The following TOP1 variants were observed in gnomAD, a reference collection of about 807,000 sequenced individuals.
TOP1 encodes DNA topoisomerase I.
TOP1 carries 10 observed loss-of-function variants against 111.1 expected under a neutral mutation model. That is an observed-to-expected ratio of 0.09 (90% CI 0.06 to 0.15). The LOEUF is 0.15. Ranked by LOEUF, TOP1 falls within the 10% of genes least tolerant of loss-of-function variation. The probability of loss-of-function intolerance (pLI) is 1.00; values close to 1 mark genes in which losing one functional copy is unlikely to be tolerated. For missense variants in TOP1, 474 were observed against 926.7 expected (o/e 0.51, Z 6.34); for synonymous variants, 271 against 302.9 (o/e 0.89, Z 1.10).
intron 13 of TOP1, among the ~76,000 whole-genome samples, chr20:41,107,749 TTC>T (rs1353766778): frequency 6.6e-6 from 1 of 152,222 alleles, no homozygotes; most frequent in Non-Finnish European, 1.5e-5. Context: ...CTTTTGAAAT[TTC>T]TGTTTGTAAG....
chr20:41,073,353 A>G, intron 3 of TOP1: 1 of 976,252 alleles, frequency 1.0e-6, no homozygotes, highest in South Asian at 4.8e-5. Flanking sequence ...TTAGCCATTT[A>G]TAGTTTCATG....
intron 3 of TOP1, among the ~76,000 whole-genome samples, chr20:41,072,032 A>G (rs1307051550): frequency 6.6e-6 from 1 of 152,210 alleles, no homozygotes; most frequent in Non-Finnish European, 1.5e-5. Flanking sequence ...TATGGTTGAT[A>G]TTAAGCCTTT....
At position 41,100,184 on chromosome 20, in the gene TOP1, C is replaced by G. The variant is rs377184097; in HGVS notation, c.1104C>G (p.Pro368=). The change falls in exon 12 of 21, where the codon CCC becomes CCG. Residue 368 remains proline (P), a synonymous_variant. Coordinates refer to ENST00000361337, the MANE Select transcript of TOP1 (RefSeq NM_003286.4). This position sits in a 1 kb window ranked among gnomAD's most constrained non-coding sequence, Gnocchi z 4.4. ...PGLFRGRGNH[P]KMGMLKRRIM... ...TTTTCCGTGGCCGCGGCAACCACCC[C>G]AAGATGGGCATGCTGAAGAGACGAA... 162 of 1,613,936 alleles carry G rather than the reference C, an allele frequency of 1.0e-4. No homozygotes were observed. The highest frequency in any genetic ancestry group is 1.2e-4 in the Non-Finnish European group (144 of 1,179,980).
In TOP1 at chr20:41,122,032, T is replaced by C; in HGVS notation, c.2072T>C (p.Val691Ala). 1 of 1,614,040 alleles carries C rather than the reference T, an allele frequency of 6.2e-7. No individual in the cohort carries two copies. The highest frequency in any genetic ancestry group is 8.5e-7 in the Non-Finnish European group (1 of 1,180,022). Residue 691 changes from valine to alanine, a missense_variant, in exon 20 of 21, where the codon GTT (valine) becomes GCT (alanine). Transcript: ENST00000361337. The surrounding 1 kb of genome is among the most constrained non-coding windows in gnomAD (Gnocchi z 5.4). ...GTAGTAGAGTCAAAGAAGAAGGCTG[T>C]TCAGAGACTGGAGGAACAGTTGATG... ...KKVVESKKKAVQRLEEQLMKL... is the reference protein window; with the variant it reads ...KKVVESKKKAAQRLEEQLMKL...
intron 7 of TOP1, 40 bp from the exon 8 acceptor site, chr20:41,084,422 A>C (rs758478387): frequency 1.6e-5 from 21 of 1,290,840 alleles, no homozygotes; most frequent in African/African-American, 4.5e-5. Context: ...AAGTGTGATC[A>C]GTCTTTATTT....
intron 2 of TOP1, among the ~76,000 whole-genome samples, chr20:41,033,556 A>C (rs2033148461): frequency 6.6e-6 from 1 of 152,008 alleles, no homozygotes; most frequent in Admixed American, 6.6e-5. Flanking sequence ...GAGGTGCAAA[A>C]AAATGTTTGC....
chr20:41,074,052 C>A (rs1354160279), intron 3 of TOP1, among the ~76,000 whole-genome samples: 1 of 152,106 alleles, frequency 6.6e-6, no homozygotes, highest in Non-Finnish European at 1.5e-5. Context: ...AAACCAAGTG[C>A]CTGTGATTAC....
chr20:41,062,938 AT>A (rs912477434), intron 3 of TOP1, among the ~76,000 whole-genome samples: 3 of 151,878 alleles, frequency 2.0e-5, no homozygotes, highest in Admixed American at 6.6e-5. Context: ...TCCGCTTTTA[AT>A]TTTTTTCAGG....
chr20:41,061,147 C>G lies in TOP1; in HGVS notation c.59-247C>G, dbSNP rs2033539497. On this transcript the variant is annotated intron_variant, in intron 2 of 20. Transcript: ENST00000361337. This position sits in a 1 kb window ranked among gnomAD's most constrained non-coding sequence, Gnocchi z 4.6. ...AAAAACGCCAAACTGTGGCTTCTTT[C>G]CACAGAATAATTGGCTCTCATTTCC... 6.6e-6 allele frequency among the ~76,000 whole-genome samples: 1 copy of G among 152,162 alleles called. No homozygotes were observed. The highest frequency in any genetic ancestry group is 2.4e-5 in the African/African-American group (1 of 41,442).
chr20:41,077,633 T>G lies in TOP1; in HGVS notation c.331T>G (p.Ser111Ala). The part of the protein sequence containing the change: ...KIKKEKENGF[S>A]SPPQIKDEPE... ...AAAGAAGGAGAAGGAAAATGGCTTC[T>G]CTAGGTAAGACTTTGCTGCTGCGTG... The change falls in exon 5 of 21, where the codon TCT becomes GCT. Residue 111 changes from serine to alanine, a missense_variant. Ser to Ala is a moderately conservative substitution (Grantham distance 99). Coordinates refer to ENST00000361337, the MANE Select transcript of TOP1 (RefSeq NM_003286.4). The G allele has an allele frequency of 6.2e-7, 1 of 1,614,148 alleles. No individual in the cohort carries two copies. The highest frequency in any genetic ancestry group is 8.5e-7 in the Non-Finnish European group (1 of 1,179,944).
chr20:41,113,912 T>G, intron 14 of TOP1, 58 bp from the exon 15 acceptor site: 1 of 1,204,678 alleles, frequency 8.3e-7, no homozygotes, highest in African/African-American at 1.6e-5. Context: ...CAGAACGAAA[T>G]TGTGTAAGGA....
intron 2 of TOP1, among the ~76,000 whole-genome samples, chr20:41,044,302 T>C (rs2122600286): frequency 6.6e-6 from 1 of 152,268 alleles, no homozygotes; most frequent in Non-Finnish European, 1.5e-5. Flanking sequence ...GAAATGCAAT[T>C]GCCCATCTTA....
intron 9 of TOP1, among the ~76,000 whole-genome samples, chr20:41,093,923 C>T (rs972759152): frequency 4.6e-5 from 7 of 152,184 alleles, no homozygotes; most frequent in African/African-American, 1.7e-4. Flanking sequence ...TGTGGTGGTG[C>T]ACGCCTGTAG....
chr20:41,111,089 C>G (rs2034231541), intron 13 of TOP1, among the ~76,000 whole-genome samples: 1 of 152,118 alleles, frequency 6.6e-6, no homozygotes, highest in African/African-American at 2.4e-5. Context: ...AGTGGTGTGA[C>G]TAAGGAACTG....
intron 3 of TOP1, chr20:41,072,245 T>G (rs2033677156): frequency 1.0e-6 from 1 of 985,206 alleles, no homozygotes; most frequent in Admixed American, 6.1e-5. Flanking sequence ...TGACATATTG[T>G]GTCTATTGTG....
chr20:41,101,287 T>G lies in TOP1; in HGVS notation c.1242T>G (p.Val414=). 1 of 1,614,144 alleles carries G rather than the reference T, an allele frequency of 6.2e-7. No homozygotes were observed. The part of the protein sequence containing the change: ...VRHDNKVTWL[V]SWTENIQGSI... ...ATGATAACAAGGTTACTTGGCTGGT[T>G]TCCTGGACAGAGAACATCCAAGGTT... Residue 414 remains valine, a synonymous_variant, in exon 13 of 21, where the codon GTT becomes GTG. Coordinates refer to ENST00000361337, the MANE Select transcript of TOP1 (RefSeq NM_003286.4). This position sits in a 1 kb window ranked among gnomAD's most constrained non-coding sequence, Gnocchi z 4.1.
In TOP1 at chr20:41,112,382, T is replaced by C. The variant is rs564363093; in HGVS notation, c.1309-400T>C. On this transcript the variant is annotated intron_variant, in intron 13 of 20. Transcript: ENST00000361337. The surrounding 1 kb of genome is among the most constrained non-coding windows in gnomAD (Gnocchi z 5.8). ...TTTTGGGACATCCCATGTGGGTTTT[T>C]CCCAGGAACATAAACATTTTAGAGA... Among the ~76,000 whole-genome samples, 4 of 152,344 alleles carry C rather than the reference T, an allele frequency of 2.6e-5. No individual in the cohort carries two copies. Among genetic ancestry groups the C allele is most frequent in the Admixed American group, 1.3e-4 (2 of 15,300 alleles).
rs2034332610 is a variant in TOP1 at position 41,116,508 on chromosome 20, C to G, written c.1822+116C>G. On this transcript the variant is annotated intron_variant, in intron 17 of 20. Transcript: ENST00000361337. This position sits in a 1 kb window ranked among gnomAD's most constrained non-coding sequence, Gnocchi z 5.6. Reference sequence around the variant, plus strand: ...TTTTCCCTACCATTGTGGTCAGACACTTTTTCCCTTTAGACCTCTAGTAGC... The same window carrying G: ...TTTTCCCTACCATTGTGGTCAGACAGTTTTTCCCTTTAGACCTCTAGTAGC... 1 of 730,748 alleles carries G rather than the reference C, an allele frequency of 1.4e-6. No homozygotes were observed. Among genetic ancestry groups the G allele is most frequent in the Non-Finnish European group, 2.3e-6 (1 of 431,642 alleles). 45.3% of individuals were successfully genotyped at this position (730,748 alleles called of 1,614,324 possible). A position where few individuals can be genotyped will look rare whatever the true frequency, so the allele number is the denominator to read the frequency against.
At position 41,097,480 on chromosome 20, in the gene TOP1, T is replaced by C; in HGVS notation, c.852+139T>C. The C allele has an allele frequency of 1.2e-6, 1 of 844,990 alleles. No homozygotes were observed. The highest frequency in any genetic ancestry group is 1.8e-6 in the Non-Finnish European group (1 of 564,734). 52.3% of individuals were successfully genotyped at this position (844,990 alleles called of 1,614,324 possible). The stretch of plus-strand genomic sequence containing the variant: ...TTGTTGTATTTAAACTTGCGTATTT[T>C]TTGTCTTCATTTACTATATTATGTA... On this transcript the variant is annotated intron_variant, in intron 10 of 20. Coordinates refer to ENST00000361337, the MANE Select transcript of TOP1 (RefSeq NM_003286.4). The surrounding 1 kb of genome is among the most constrained non-coding windows in gnomAD (Gnocchi z 4.2).
Sources: allele counts gnomAD v4.1 joint callset (sites outside exome capture counted in the v4.1 genomes callset), GRCh38; gene constraint gnomAD v4.1.1; non-coding constraint Gnocchi (gnomAD v3.1); transcripts MANE v1.5; gene names NCBI Gene and HGNC (gene_info 2026-07-23, HGNC 2026-07-21).